PRKG1: variants seen among roughly 807,000 people sequenced by gnomAD.
PRKG1 encodes protein kinase cGMP-dependent 1.
PRKG1 carries 35 observed loss-of-function variants against 88.1 expected under a neutral mutation model. That is an observed-to-expected ratio of 0.40 (90% CI 0.30 to 0.53). The LOEUF is 0.53. PRKG1 is among the 20% of genes least tolerant of loss of function. The pLI is 0.59. For synonymous variants in PRKG1, 303 were observed against 292.5 expected (o/e 1.04, Z -0.37); for missense variants, 540 against 839.8 (o/e 0.64, Z 4.41).
intron 8 of PRKG1, among the ~76,000 whole-genome samples, chr10:52,143,631 C>T (rs749461756): frequency 2.6e-5 from 4 of 152,074 alleles, no homozygotes; most frequent in Non-Finnish European, 4.4e-5. Context: ...AGGGGAAGTC[C>T]GCTGGGGAAG....
intron 2 of PRKG1, among the ~76,000 whole-genome samples, chr10:51,331,736 CTGGGGCAAG>C (rs980012218): frequency 2.0e-5 from 3 of 152,216 alleles, no homozygotes; most frequent in African/African-American, 7.2e-5. Context: ...AATGCTTCTC[CTGGGGCAAG>C]TATGATCACT....
intron 2 of PRKG1, among the ~76,000 whole-genome samples, chr10:51,442,106 G>A (rs1036816185): frequency 6.0e-5 from 9 of 151,058 alleles, no homozygotes; most frequent in Non-Finnish European, 1.0e-4. Context: ...GCTCACTAAA[G>A]TTCACTTTTT....
At chr10:52,161,124 C>T (rs1031076290) in intron 8 of PRKG1, among the ~76,000 whole-genome samples, 4 of 151,734 alleles carry the variant, frequency 2.6e-5, no homozygotes, top group African/African-American at 4.8e-5. Flanking sequence ...TTTTCAAGGG[C>T]GATTCTGGTA....
At chr10:51,467,897 G>A in intron 3 of PRKG1, 61 bp downstream of exon 3, 1 of 1,373,112 alleles carries the variant, frequency 7.3e-7, no homozygotes, top group African/African-American at 1.4e-5. Flanking sequence ...CCTTTGAGAT[G>A]TTGTTTAAAA....
At chr10:51,235,395 A>G (rs1350884400) in intron 2 of PRKG1, among the ~76,000 whole-genome samples, 2 of 131,434 alleles carry the variant, frequency 1.5e-5, no homozygotes, top group Non-Finnish European at 3.2e-5. Flanking sequence ...ATCACGTTAC[A>G]TCTTGCAGAA....
intron 3 of PRKG1, among the ~76,000 whole-genome samples, chr10:51,725,425 A>G (rs1842106521): frequency 7.0e-6 from 1 of 143,076 alleles, no homozygotes; most frequent in Admixed American, 7.0e-5. Flanking sequence ...GTAAAAAGAC[A>G]CTTAGGCAAC....
At chr10:51,575,097 G>T (rs1837851251) in intron 3 of PRKG1, among the ~76,000 whole-genome samples, 2 of 151,986 alleles carry the variant, frequency 1.3e-5, no homozygotes, top group Admixed American at 1.3e-4. Context: ...ACAAGTGAGA[G>T]CTGTGAGTTC....
At chr10:51,313,423 T>C (rs1266721241) in intron 2 of PRKG1, among the ~76,000 whole-genome samples, 1 of 152,170 alleles carries the variant, frequency 6.6e-6, no homozygotes, top group Non-Finnish European at 1.5e-5. Flanking sequence ...TGAATTTTAC[T>C]GCAAAGGGTA....
chr10:51,392,803 G>A (rs1837451116), intron 2 of PRKG1, among the ~76,000 whole-genome samples: 1 of 147,774 alleles, frequency 6.8e-6, no homozygotes, highest in South Asian at 2.2e-4. Context: ...GGCTGGCCGG[G>A]CGGGGGGCTG....
intron 3 of PRKG1, among the ~76,000 whole-genome samples, chr10:51,492,470 G>A (rs977082511): frequency 5.3e-5 from 8 of 152,170 alleles, no homozygotes; most frequent in African/African-American, 1.9e-4. Context: ...AAGATAAGAT[G>A]ATTAAGTCCA....
chr10:52,017,107 G>A (rs1319853126), intron 5 of PRKG1, among the ~76,000 whole-genome samples: 1 of 152,082 alleles, frequency 6.6e-6, no homozygotes, highest in Non-Finnish European at 1.5e-5. Flanking sequence ...AGTATTAAGA[G>A]ATTAAAATGT....
chr10:51,200,997 G>A (rs1352324039), intron 2 of PRKG1, among the ~76,000 whole-genome samples: 1 of 152,078 alleles, frequency 6.6e-6, no homozygotes, highest in African/African-American at 2.4e-5. Flanking sequence ...GGCCACTAAT[G>A]AACATTCTGT....
intron 2 of PRKG1, among the ~76,000 whole-genome samples, chr10:51,389,955 C>T (rs1293014284): frequency 6.6e-6 from 1 of 152,108 alleles, no homozygotes; most frequent in Non-Finnish European, 1.5e-5. Flanking sequence ...TTTATGGACC[C>T]AAATGAATTT....
intron 3 of PRKG1, among the ~76,000 whole-genome samples, chr10:51,577,839 G>A (rs1837927030): frequency 6.6e-6 from 1 of 151,968 alleles, no homozygotes; most frequent in Admixed American, 6.6e-5. Flanking sequence ...TACTTACTTA[G>A]TCCCTCTTCT....
At chr10:51,490,143 A>G (rs1023795101) in intron 3 of PRKG1, among the ~76,000 whole-genome samples, 21 of 152,110 alleles carry the variant, frequency 1.4e-4, no homozygotes, top group African/African-American at 5.1e-4. Flanking sequence ...CTTGAATCAG[A>G]ATTCCCTTTA....
At chr10:51,593,585 G>A (rs1838365835) in intron 3 of PRKG1, among the ~76,000 whole-genome samples, 2 of 152,068 alleles carry the variant, frequency 1.3e-5, no homozygotes, top group African/African-American at 4.8e-5. Context: ...AAACGCAGGT[G>A]GTCAGGGAGC....
chr10:51,042,938 G>A (rs1281137681), intron 1 of PRKG1, among the ~76,000 whole-genome samples: 1 of 152,114 alleles, frequency 6.6e-6, no homozygotes, highest in Non-Finnish European at 1.5e-5. Flanking sequence ...TATGAACCAG[G>A]AAGTAGGTCC....
intron 1 of PRKG1, among the ~76,000 whole-genome samples, chr10:51,061,062 T>TGTGTGTGTGTGG (rs1843687047): frequency 6.6e-6 from 1 of 150,960 alleles, no homozygotes; most frequent in East Asian, 1.9e-4. Flanking sequence ...TACCTAGGGG[T>TGTGTGTGTGTGG]GTGTGTGTGT....
At chr10:51,092,866 A>T (rs943568325) in intron 1 of PRKG1, among the ~76,000 whole-genome samples, 3 of 152,224 alleles carry the variant, frequency 2.0e-5, no homozygotes, top group Non-Finnish European at 4.4e-5. Flanking sequence ...AATAGTGAAC[A>T]AAAGTGAGCA....
Sources: allele counts gnomAD v4.1 joint callset (sites outside exome capture counted in the v4.1 genomes callset), GRCh38; gene constraint gnomAD v4.1.1; transcripts MANE v1.5; gene names NCBI Gene and HGNC (gene_info 2026-07-23, HGNC 2026-07-21).